Variants in GBP3 observed in about 807,000 individuals in gnomAD.
GBP3 encodes the protein guanylate-binding protein 3.
A neutral mutation model predicts 62.4 loss-of-function variants in GBP3; 55 were observed. The ratio of observed to expected loss-of-function variants is 0.88; its 90% CI spans 0.71 to 1.10. GBP3 has a LOEUF of 1.10. GBP3 is among the 50% of genes least tolerant of loss of function. The pLI is 0.00. For synonymous variants in GBP3, 208 were observed against 259.2 expected (o/e 0.80, Z 1.90); for missense variants, 605 against 690.6 (o/e 0.88, Z 1.39).
chr1:89,015,255 G>A, intron 3 of GBP3, 32 bp downstream of exon 3: 1 of 1,556,162 alleles, frequency 6.4e-7, no homozygotes, highest in Non-Finnish European at 8.7e-7. Flanking sequence ...GAGATGAGGG[G>A]CTTATTTCAA....
chr1:89,016,833 T>C (rs57846667), intron 2 of GBP3, among the ~76,000 whole-genome samples: 11,956 of 152,228 alleles, frequency 0.079, 1,572 homozygotes, highest in African/African-American at 0.27. Flanking sequence ...CCTCAGCTTC[T>C]CAAAGTGCTG....
At position 89,013,353 on chromosome 1, in the gene GBP3, A is replaced by C. The variant is rs551816364; in HGVS notation, c.700T>G (p.Phe234Val). ...CGGTGAATGGGCAGATCGAAGACAA[A>C]ACATTTTTTCTTTGGGAAGAACTTC... Reference protein sequence around the residue: ...IRKFFPKKKCFVFDLPIHRRK... With the variant: ...IRKFFPKKKCVVFDLPIHRRK... Residue 234 changes from phenylalanine to valine, a missense_variant, in exon 6 of 11, where the codon TTT becomes GTT. Phe to Val is a conservative substitution (Grantham distance 50, BLOSUM62 -1). Coordinates refer to ENST00000370481, the MANE Select transcript of GBP3 (RefSeq NM_018284.3). 6.2e-7 allele frequency: 1 copy of C among 1,614,186 alleles called. No homozygotes were observed. The highest frequency in any genetic ancestry group is 1.7e-5 in the Admixed American group (1 of 60,024).
rs953548671 is a variant in GBP3 at position 89,013,299 on chromosome 1, G to A, written c.754C>T (p.Gln252Ter). ...RRKLAQLEKLQDEELDPEFVQ... is the reference protein window; with the variant it reads ...RRKLAQLEKL ...AATTCAGGGTCCAGCTCTTCATCTT[G>A]TAGTTTCTCAAGCTGGGCAAGCTTC... Residue 252 changes from glutamine to a stop codon, truncating the protein, a stop_gained, in exon 6 of 11, where the codon CAA (glutamine) becomes TAA (stop). Transcript: ENST00000370481. LOFTEE classifies it high-confidence loss of function. 1.2e-6 allele frequency: 2 copies of A among 1,614,116 alleles called. No homozygotes were observed. Among genetic ancestry groups the A allele is most frequent in the East Asian group, 2.2e-5 (1 of 44,904 alleles).
intron 2 of GBP3, among the ~76,000 whole-genome samples, chr1:89,018,735 C>T (rs58683274): frequency 0.078 from 11,824 of 152,130 alleles, 1,535 homozygotes; most frequent in African/African-American, 0.27. Flanking sequence ...CATAATCAAA[C>T]GACCCTAAAT....
intron 1 of GBP3, among the ~76,000 whole-genome samples, chr1:89,021,533 CA>C (rs1679208089): frequency 4.2e-5 from 6 of 142,952 alleles, no homozygotes; most frequent in African/African-American, 7.4e-5. Context: ...CACACACACA[CA>C]CACACACACA....
intron 2 of GBP3, among the ~76,000 whole-genome samples, chr1:89,019,441 A>G (rs1250490070): frequency 6.6e-6 from 1 of 152,158 alleles, no homozygotes; most frequent in Non-Finnish European, 1.5e-5. Flanking sequence ...GGCATGTGCC[A>G]CCATGCCCAG....
Position 89,019,720 on chromosome 1 carries a change from A to T in GBP3, c.190+812T>A, listed in dbSNP as rs1212834501. 3.3e-5 allele frequency among the ~76,000 whole-genome samples: 5 copies of T among 152,340 alleles called. No individual in the cohort carries two copies. In the East Asian group the frequency reaches 9.6e-4, roughly 29 times the overall value. On this transcript the variant is annotated intron_variant, in intron 2 of 10. Coordinates refer to ENST00000370481, the MANE Select transcript of GBP3 (RefSeq NM_018284.3). ...TCCTAGAGTAGTCAAATTAATAGAG[A>T]TGGAATGTAGAATTGTGGCAGGAGA... is the stretch of plus-strand genomic sequence containing the variant.
intron 10 of GBP3, 112 bp downstream of exon 10, chr1:89,008,835 C>T: frequency 6.5e-7 from 1 of 1,537,346 alleles, no homozygotes; most frequent in East Asian, 2.3e-5. Flanking sequence ...TACAAGTGAG[C>T]AAGCAAAATC....
At chr1:89,018,264 A>G (rs1366470235) in intron 2 of GBP3, among the ~76,000 whole-genome samples, 1 of 152,198 alleles carries the variant, frequency 6.6e-6, no homozygotes, top group African/African-American at 2.4e-5. Context: ...CAGAGAGCCT[A>G]TGAATGGATG....
At chr1:89,009,909 T>C (rs1034764437) in intron 8 of GBP3, among the ~76,000 whole-genome samples, 1 of 152,096 alleles carries the variant, frequency 6.6e-6, no homozygotes, top group African/African-American at 2.4e-5. Context: ...GATCATGACA[T>C]TATTTGAAAT....
intron 2 of GBP3, among the ~76,000 whole-genome samples, chr1:89,015,680 G>T (rs1678845484): frequency 6.8e-6 from 1 of 146,358 alleles, no homozygotes; most frequent in Non-Finnish European, 1.5e-5. Flanking sequence ...GGAGGCGGAG[G>T]TTGCAGTGAG....
At position 89,007,777 on chromosome 1, in the gene GBP3, T is replaced by C. The variant is rs1678305045; in HGVS notation, c.1735A>G (p.Lys579Glu). The C allele has an allele frequency of 1.2e-6, 2 of 1,613,692 alleles. No homozygotes were observed. The highest frequency in any genetic ancestry group is 1.7e-5 in the Admixed American group (1 of 59,996). Residue 579 changes from lysine (K) to glutamate (E), a missense_variant, in exon 11 of 11, where the codon AAG becomes GAG. Lys to Glu is a moderately conservative substitution (Grantham distance 56, BLOSUM62 1). Transcript: ENST00000370481. The part of the protein sequence containing the change: ...QLQNEIQKLQ[K>E]TLKKKTKRYM... Reference sequence around the variant, plus strand: ...CTCTTGGTTTTTTTTTTCAGGGTCTTCTGTAGCTTTTGTATCTCATTTTGA... The same window carrying C: ...CTCTTGGTTTTTTTTTTCAGGGTCTCCTGTAGCTTTTGTATCTCATTTTGA...
rs370865964 is a variant in GBP3, at chr1:89,015,385, G to A, written c.220C>T (p.His74Tyr). The A allele has an allele frequency of 3.8e-5, 62 of 1,613,494 alleles. No individual in the cohort carries two copies. The highest frequency in any genetic ancestry group is 5.3e-5 in the Non-Finnish European group (62 of 1,179,790). Residue 74 changes from histidine (H) to tyrosine (Y), a missense_variant, in exon 3 of 11, where the codon CAC becomes TAC. Around this residue, in one of 3 missense-constraint regions of GBP3, gnomAD observed 308 missense variants for 318.0 expected, o/e 0.97. Coordinates refer to ENST00000370481, the MANE Select transcript of GBP3 (RefSeq NM_018284.3). ...CACCACATCCAGATTCCTTTGGTGT[G>A]AGATTTCACTGTGGAGCCCAGAGAG... ...GFSLGSTVKS[H>Y]TKGIWMWCVP...
intron 2 of GBP3, chr1:89,020,296 A>T: frequency 3.5e-6 from 2 of 578,282 alleles, no homozygotes; most frequent in South Asian, 3.9e-5. Flanking sequence ...GAGAAAGAGT[A>T]GAACAAGGAG....
At chr1:89,021,510 G>GCGCGCGCGCGCACACACA (rs751639388) in intron 1 of GBP3, among the ~76,000 whole-genome samples, 2 of 131,668 alleles carry the variant, frequency 1.5e-5, no homozygotes, top group African/African-American at 6.0e-5. Flanking sequence ...GCGCGCGCGC[G>GCGCGCGCGCGCACACACA]CACACACACA....
Position 89,013,310 on chromosome 1 carries a change from A to G in GBP3, c.743T>C (p.Leu248Pro). 1.2e-6 allele frequency: 2 copies of G among 1,614,202 alleles called. No individual in the cohort carries two copies. Among genetic ancestry groups the G allele is most frequent in the Non-Finnish European group, 1.7e-6 (2 of 1,180,034 alleles). The change falls in exon 6 of 11, where the codon CTT becomes CCT. Residue 248 changes from leucine (L) to proline (P), a missense_variant. This residue lies in a region of GBP3 where 308 missense variants were observed against 318.0 expected (regional missense o/e 0.97). Coordinates refer to ENST00000370481, the MANE Select transcript of GBP3 (RefSeq NM_018284.3). ...LPIHRRKLAQ[L>P]EKLQDEELDP... ...CAGCTCTTCATCTTGTAGTTTCTCA[A>G]GCTGGGCAAGCTTCCTGCGGTGAAT...
At chr1:89,015,938 A>C (rs12089694) in intron 2 of GBP3, among the ~76,000 whole-genome samples, 11,936 of 152,162 alleles carry the variant, frequency 0.078, 1,567 homozygotes, top group African/African-American at 0.27. Context: ...TAGAGGTCCT[A>C]TCCAGAGTAA....
chr1:89,020,155 C>T (rs1442065975), intron 2 of GBP3: 2 of 398,966 alleles, frequency 5.0e-6, no homozygotes, highest in African/African-American at 2.0e-5. Context: ...GAGAGGATTG[C>T]TTGAGCCCAG....
chr1:89,017,364 G>A (rs1448118939), intron 2 of GBP3, among the ~76,000 whole-genome samples: 4 of 148,808 alleles, frequency 2.7e-5, no homozygotes, highest in South Asian at 2.1e-4. Flanking sequence ...AATCCAAAAC[G>A]TAACTCAAAA....
Sources: gnomAD v4.1 joint callset for allele counts (sites outside exome capture counted in the v4.1 genomes callset) on GRCh38, gnomAD v4.1.1 for gene constraint, gnomAD v4.1.1 regional missense constraint, MANE v1.5 for transcripts, NCBI Gene and HGNC (gene_info 2026-07-23, HGNC 2026-07-21) for gene names.